SCYL1: variants seen among roughly 807,000 people sequenced by gnomAD.
The protein encoded by SCYL1 is N-terminal kinase-like protein.
A neutral mutation model predicts 94.8 loss-of-function variants in SCYL1; 85 were observed. That is an observed-to-expected ratio of 0.90 (90% CI 0.75 to 1.07). The LOEUF (loss-of-function observed/expected upper bound fraction) is 1.07, where lower values mean the gene tolerates loss of function less well. Among genes scored for constraint, SCYL1 ranks in the 50% least tolerant of loss-of-function variants. SCYL1 has a pLI of 0.00. For synonymous variants in SCYL1, 459 were observed against 435.5 expected (o/e 1.05, Z -0.67); for missense variants, 968 against 1,083.3 (o/e 0.89, Z 1.49).
At chr11:65,535,490 G>C in intron 10 of SCYL1, 108 bp downstream of exon 10, 1 of 1,398,194 alleles carries the variant, frequency 7.2e-7, no homozygotes, top group Non-Finnish European at 9.8e-7. Context: ...CAGAGACTTA[G>C]ACCCTGCACG....
chr11:65,530,581 C>T, intron 6 of SCYL1, 48 bp from the exon 7 acceptor site: 2 of 1,578,184 alleles, frequency 1.3e-6, no homozygotes, highest in Non-Finnish European at 1.7e-6. Context: ...TGGGTTTGGG[C>T]TGCAACCAGG....
In SCYL1 at chr11:65,537,690, G is replaced by A. The variant is rs557811107; in HGVS notation, c.1960-119G>A. On this transcript the variant is annotated intron_variant, in intron 14 of 17. Transcript: ENST00000270176. ...TAATAGATGGGAAACAGGGCCTGAG[G>A]AGCAAATGAGGAGGAAGGCAAAAGA... The A allele has an allele frequency of 2.7e-5, 22 of 825,730 alleles. No individual in the cohort carries two copies. In the Admixed American group the frequency reaches 5.0e-4, roughly 19 times the overall value. The allele number at this position is 825,730 out of a possible 1,614,324, so 51.2% of individuals were successfully genotyped here.
At chr11:65,530,129 C>T (rs602922) in intron 6 of SCYL1, among the ~76,000 whole-genome samples, 6,026 of 152,214 alleles carry the variant, frequency 0.04, 198 homozygotes, top group South Asian at 0.12. Context: ...TAATCCTTGC[C>T]TTCCCACGGC....
At chr11:65,536,443 G>C in intron 12 of SCYL1, 109 bp downstream of exon 12, 1 of 1,412,406 alleles carries the variant, frequency 7.1e-7, no homozygotes, top group South Asian at 1.2e-5. Flanking sequence ...GAGCAGACTT[G>C]ACTCAGCTCC....
At position 65,526,861 on chromosome 11, in the gene SCYL1, C is replaced by T; in HGVS notation, c.681C>T (p.Arg227=). ...NGPLPRAAAL[R]NPGKIPKTLV... ...CCCTACCTCGGGCAGCAGCCCTACG[C>T]AACCCTGGGAAGGTAAGTTTCTTGC... Residue 227 remains arginine, a synonymous_variant, in exon 5 of 18, where the codon CGC becomes CGT. Coordinates refer to ENST00000270176, the MANE Select transcript of SCYL1 (RefSeq NM_020680.4). This position sits in a 1 kb window ranked among gnomAD's most constrained non-coding sequence, Gnocchi z 4.1. 6.2e-7 allele frequency: 1 copy of T among 1,613,452 alleles called. No homozygotes were observed. The highest frequency in any genetic ancestry group is 8.5e-7 in the Non-Finnish European group (1 of 1,179,954).
chr11:65,525,362 G>A (rs1395599989), intron 1 of SCYL1, 98 bp downstream of exon 1: 1 of 1,099,016 alleles, frequency 9.1e-7, no homozygotes, highest in East Asian at 3.0e-5. Context: ...ACGTGGCGGC[G>A]GAACCAAGGG....
intron 2 of SCYL1, 98 bp from the exon 3 acceptor site, chr11:65,525,823 T>C (rs1855045824): frequency 1.3e-6 from 2 of 1,577,838 alleles, no homozygotes; most frequent in Non-Finnish European, 1.7e-6. Context: ...CACCCCCAGA[T>C]TTGGTTTCCT....
chr11:65,535,174 C>T (rs1855571581), intron 9 of SCYL1, 53 bp from the exon 10 acceptor site: 3 of 1,598,342 alleles, frequency 1.9e-6, no homozygotes, highest in Non-Finnish European at 8.6e-7. Context: ...TGTTCCTGCA[C>T]AAGGCCCTTT....
intron 8 of SCYL1, among the ~76,000 whole-genome samples, chr11:65,532,293 T>C (rs1224477231): frequency 1.3e-5 from 2 of 151,982 alleles, no homozygotes; most frequent in African/African-American, 4.8e-5. Context: ...GGTGCGGTGG[T>C]GGGTGCCTGT....
Position 65,532,793 on chromosome 11 carries a change from G to A in SCYL1, c.1218G>A (p.Glu406=). Residue 406 remains glutamate (E), a synonymous_variant, in exon 9 of 18, where the codon GAG becomes GAA. Transcript: ENST00000270176. ...GFLDTNPAIR[E]QTVKSMLLLA... The stretch of plus-strand genomic sequence containing the variant: ...TGGACACCAACCCTGCCATCCGGGA[G>A]CAGACGGTCAAGGTGGGTGTGGCCA... 1 of 1,613,824 alleles carries A rather than the reference G, an allele frequency of 6.2e-7. No individual in the cohort carries two copies. Among genetic ancestry groups the A allele is most frequent in the Non-Finnish European group, 8.5e-7 (1 of 1,179,732 alleles).
Position 65,525,670 on chromosome 11 carries a change from ACT to A in SCYL1, c.211_212del (p.Leu71ThrfsTer111). The A allele has an allele frequency of 6.2e-7, 1 of 1,612,194 alleles. No individual in the cohort carries two copies. Among genetic ancestry groups the A allele is most frequent in the Non-Finnish European group, 8.5e-7 (1 of 1,179,792 alleles). ...VAKAAFKRFK[T>X]LRHPNILAYI... ...CAAAGCTGCCTTCAAGCGCTTCAAA[ACT>A]CTACGGCACCCCAACATCCTGGCTT... On this transcript the variant is annotated frameshift_variant, in exon 2 of 18. Transcript: ENST00000270176. LOFTEE classifies it high-confidence loss of function.
chr11:65,530,909 CCAGTG>C, intron 7 of SCYL1, 122 bp downstream of exon 7: 1 of 1,094,558 alleles, frequency 9.1e-7, no homozygotes. Flanking sequence ...GAGCTTCCTG[CCAGTG>C]TCTATAAACA....
chr11:65,527,035 G>A lies in SCYL1; in HGVS notation c.767G>A (p.Arg256His), dbSNP rs370357462. 7.6e-5 allele frequency: 123 copies of A among 1,613,532 alleles called. No homozygotes were observed. Among genetic ancestry groups the A allele is most frequent in the South Asian group, 1.6e-4 (15 of 91,086 alleles). Residue 256 changes from arginine (R) to histidine (H), a missense_variant, in exon 6 of 18, where the codon CGC becomes CAC. Physicochemically the swap from Arg to His is conservative, Grantham distance 29 (BLOSUM62 0). Around this residue, in one of 2 missense-constraint regions of SCYL1, gnomAD observed 494 missense variants for 619.7 expected, o/e 0.80. Coordinates refer to ENST00000270176, the MANE Select transcript of SCYL1 (RefSeq NM_020680.4). ...CCCAAGGTGCGTCCCAACCCAGCCC[G>A]CTTCCTGCAGAACTGCCGGGCACCT... ...ANPKVRPNPA[R>H]FLQNCRAPGG...
In SCYL1 at chr11:65,531,656, G is replaced by A. The variant is rs750187828; in HGVS notation, c.1089G>A (p.Arg363=). The A allele has an allele frequency of 2.5e-6, 4 of 1,613,658 alleles. No individual in the cohort carries two copies. Among genetic ancestry groups the A allele is most frequent in the Non-Finnish European group, 3.4e-6 (4 of 1,179,788 alleles). ...VVVKMFSSTD[R]AMRIRLLQQM... ...TCAAGATGTTCTCATCCACTGACCG[G>A]GCCATGCGCATCCGCCTCCTGCAGC... is the stretch of plus-strand genomic sequence containing the variant. Residue 363 remains arginine (R), a synonymous_variant, in exon 8 of 18, where the codon CGG becomes CGA. Transcript: ENST00000270176.
Position 65,531,613 on chromosome 11 carries a change from A to G in SCYL1, c.1046A>G (p.Lys349Arg), listed in dbSNP as rs747342684. 6.2e-7 allele frequency: 1 copy of G among 1,613,876 alleles called. No individual in the cohort carries two copies. The highest frequency in any genetic ancestry group is 8.5e-7 in the Non-Finnish European group (1 of 1,179,792). ...CTGAGCGCTGAGGAGTATCAGCAGA[A>G]GATCATCCCTGTGGTGGTCAAGATG... is the stretch of plus-strand genomic sequence containing the variant. The part of the protein sequence containing the change: ...KFLSAEEYQQ[K>R]IIPVVVKMFS... Residue 349 changes from lysine to arginine, a missense_variant, in exon 8 of 18, where the codon AAG becomes AGG. Physicochemically the swap from Lys to Arg is conservative, Grantham distance 26. This residue lies in a region of SCYL1 where 494 missense variants were observed against 619.7 expected (regional missense o/e 0.80). Transcript: ENST00000270176.
Position 65,526,285 on chromosome 11 carries a change from C to T in SCYL1, c.537C>T (p.Pro179=), listed in dbSNP as rs186625503. Residue 179 remains proline, a synonymous_variant, in exon 4 of 18, where the codon CCC becomes CCT. Coordinates refer to ENST00000270176, the MANE Select transcript of SCYL1 (RefSeq NM_020680.4). This position sits in a 1 kb window ranked among gnomAD's most constrained non-coding sequence, Gnocchi z 4.1. The part of the protein sequence containing the change: ...NGGGPPRKGI[P]ELEQYDPPEL... Reference sequence around the variant, plus strand: ...GGGGACCTCCCCGCAAGGGGATCCCCGAGCTTGAGCAGTATGACCCCCCGG... The same window carrying T: ...GGGGACCTCCCCGCAAGGGGATCCCTGAGCTTGAGCAGTATGACCCCCCGG... 14 of 1,612,282 alleles carry T rather than the reference C, an allele frequency of 8.7e-6. No homozygotes were observed. The highest frequency in any genetic ancestry group is 1.7e-5 in the Admixed American group (1 of 59,988).
Position 65,538,692 on chromosome 11 carries a change from A to G in SCYL1, c.*126A>G. On this transcript the variant is annotated 3_prime_UTR_variant, in exon 18 of 18. Coordinates refer to ENST00000270176, the MANE Select transcript of SCYL1 (RefSeq NM_020680.4). Reference sequence around the variant, plus strand: ...GTGTACATAATCAGAGCCACAATAAATTCTATTTCACACCCCTTGTGCCGG... The same window carrying G: ...GTGTACATAATCAGAGCCACAATAAGTTCTATTTCACACCCCTTGTGCCGG... 8.1e-7 allele frequency: 1 copy of G among 1,241,882 alleles called. No individual in the cohort carries two copies. Among genetic ancestry groups the G allele is most frequent in the Non-Finnish European group, 1.1e-6 (1 of 916,836 alleles). The allele number at this position is 1,241,882 out of a possible 1,614,324, so 76.9% of individuals were successfully genotyped here.
intron 7 of SCYL1, among the ~76,000 whole-genome samples, chr11:65,531,141 G>A (rs1466496452): frequency 2.0e-5 from 3 of 152,002 alleles, no homozygotes; most frequent in Admixed American, 2.0e-4. Flanking sequence ...GACTTCTGGG[G>A]GCTGGATCTT....
chr11:65,534,613 A>G (rs778667234), intron 9 of SCYL1, among the ~76,000 whole-genome samples: 13 of 152,124 alleles, frequency 8.5e-5, no homozygotes, highest in South Asian at 2.1e-4. Context: ...GGCTAGGGGT[A>G]TGTGCCTGGG....
Sources: gnomAD v4.1 joint callset for allele counts (sites outside exome capture counted in the v4.1 genomes callset) on GRCh38, gnomAD v4.1.1 for gene constraint, gnomAD v4.1.1 regional missense constraint, Gnocchi (gnomAD v3.1) non-coding constraint, MANE v1.5 for transcripts, NCBI Gene and HGNC (gene_info 2026-07-23, HGNC 2026-07-21) for gene names.